Variants in MYRIP observed in about 807,000 individuals in gnomAD.
MYRIP encodes the protein rab effector MyRIP.
Under a neutral mutation model 98.0 loss-of-function variants are expected in MYRIP, and 49 were observed. That is an observed-to-expected ratio of 0.50 (90% CI 0.40 to 0.63). The LOEUF (loss-of-function observed/expected upper bound fraction) is 0.63, where lower values mean the gene tolerates loss of function less well. Among genes scored for constraint, MYRIP ranks in the 30% least tolerant of loss-of-function variants. The pLI, the probability that MYRIP is intolerant of heterozygous loss-of-function variation, is 0.00. For missense variants in MYRIP, 1,004 were observed against 1,058.2 expected (o/e 0.95, Z 0.71); for synonymous variants, 404 against 409.5 (o/e 0.99, Z 0.16).
intron 1 of MYRIP, among the ~76,000 whole-genome samples, chr3:39,827,174 A>G (rs1246499625): frequency 1.3e-5 from 2 of 152,120 alleles, no homozygotes; most frequent in African/African-American, 4.8e-5. Flanking sequence ...GTGCGGTGGC[A>G]TGACCATAGC....
chr3:39,913,153 T>C (rs1288033737), intron 2 of MYRIP, among the ~76,000 whole-genome samples: 3 of 151,774 alleles, frequency 2.0e-5, no homozygotes, highest in African/African-American at 7.3e-5. Context: ...ACATGGAGAG[T>C]CATGCCTCAG....
In MYRIP at chr3:40,251,834, T is replaced by C. The variant is rs763658900; in HGVS notation, c.2429-47T>C. ...ACCTTGTTTTTTCCTTAACAATCAA[T>C]CAGTCCATCTTCTGGGTAACATTTT... is the stretch of plus-strand genomic sequence containing the variant. On this transcript the variant is annotated intron_variant, in intron 15 of 16. Transcript: ENST00000302541. 9 of 1,308,210 alleles carry C rather than the reference T, an allele frequency of 6.9e-6. No individual in the cohort carries two copies. The African/African-American group carries it at 1.3e-4, about 19-fold the overall frequency. The allele number at this position is 1,308,210 out of a possible 1,614,324, so 81.0% of individuals were successfully genotyped here.
At chr3:40,153,938 G>A (rs763625995) in intron 4 of MYRIP, among the ~76,000 whole-genome samples, 1 of 151,976 alleles carries the variant, frequency 6.6e-6, no homozygotes, top group African/African-American at 2.4e-5. Context: ...TCAGGAGATC[G>A]AGAATATCCT....
chr3:40,077,402 G>A (rs867089262), intron 3 of MYRIP, among the ~76,000 whole-genome samples: 2 of 152,088 alleles, frequency 1.3e-5, no homozygotes, highest in African/African-American at 4.8e-5. Context: ...GTGCATTTAC[G>A]ATCCCTGAGC....
chr3:39,902,822 T>C (rs1943776328), intron 2 of MYRIP, among the ~76,000 whole-genome samples: 1 of 152,012 alleles, frequency 6.6e-6, no homozygotes, highest in South Asian at 2.1e-4. Context: ...AGGAGGAAAA[T>C]TTTAAAGAAA....
At chr3:39,856,203 G>T (rs531102534) in intron 1 of MYRIP, among the ~76,000 whole-genome samples, 1 of 152,316 alleles carries the variant, frequency 6.6e-6, no homozygotes, top group African/African-American at 2.4e-5. Context: ...GCAGTGGTGT[G>T]CCACTTCTTT....
chr3:40,082,196 A>G (rs1948493547), intron 3 of MYRIP, among the ~76,000 whole-genome samples: 1 of 152,188 alleles, frequency 6.6e-6, no homozygotes, highest in Non-Finnish European at 1.5e-5. Flanking sequence ...GAGGTTTCTC[A>G]AAAAAACTAA....
intron 3 of MYRIP, among the ~76,000 whole-genome samples, chr3:40,125,851 A>T (rs1309549694): frequency 6.6e-6 from 1 of 152,142 alleles, no homozygotes; most frequent in African/African-American, 2.4e-5. Context: ...GGCAGTTGTC[A>T]TGTATCAACT....
rs117266380 is a variant in MYRIP, at chr3:39,828,623, C to T, written c.-31+18707C>T. On this transcript the variant is annotated intron_variant, in intron 1 of 16. Transcript: ENST00000302541. ...ACCATATTTGTTGTCTTTTATCTCT[C>T]GCTCCCCTCCAACTCTTCCTCCCAA... is the stretch of plus-strand genomic sequence containing the variant. Among the ~76,000 whole-genome samples the T allele has an allele frequency of 2.9e-3, 437 of 152,242 alleles. 11 individuals carry two copies. In the South Asian group the frequency reaches 0.044, roughly 15 times the overall value.
intron 11 of MYRIP, among the ~76,000 whole-genome samples, chr3:40,217,946 T>C (rs1006666417): frequency 6.6e-6 from 1 of 152,032 alleles, no homozygotes; most frequent in East Asian, 1.9e-4. Flanking sequence ...TAAAATCAAC[T>C]GAAAAGATTA....
intron 1 of MYRIP, among the ~76,000 whole-genome samples, chr3:39,838,452 A>G (rs1486859918): frequency 1.3e-5 from 2 of 152,170 alleles, no homozygotes; most frequent in African/African-American, 4.8e-5. Context: ...CCTTTTCTGT[A>G]TCTATTGAGA....
At chr3:39,955,295 C>G (rs1224023601) in intron 2 of MYRIP, among the ~76,000 whole-genome samples, 1 of 152,116 alleles carries the variant, frequency 6.6e-6, no homozygotes. Context: ...AGGTTACCCA[C>G]AAAGGGAAGC....
chr3:39,881,653 C>T (rs929933408), intron 1 of MYRIP, among the ~76,000 whole-genome samples: 1 of 152,132 alleles, frequency 6.6e-6, no homozygotes, highest in African/African-American at 2.4e-5. Flanking sequence ...TCCAGAGCCT[C>T]TCTAGCCCAG....
intron 5 of MYRIP, among the ~76,000 whole-genome samples, chr3:40,165,619 G>A (rs1019681730): frequency 1.3e-5 from 2 of 152,062 alleles, no homozygotes; most frequent in Non-Finnish European, 2.9e-5. Flanking sequence ...CTAAGAGAAG[G>A]ATGATAGAAA....
chr3:39,920,955 G>C (rs984287872), intron 2 of MYRIP, among the ~76,000 whole-genome samples: 5 of 152,112 alleles, frequency 3.3e-5, no homozygotes, highest in African/African-American at 1.2e-4. Flanking sequence ...TTGTTGATGT[G>C]CTCAAAAGAT....
intron 4 of MYRIP, among the ~76,000 whole-genome samples, chr3:40,159,446 G>A (rs1283440432): frequency 6.6e-6 from 1 of 150,528 alleles, no homozygotes; most frequent in African/African-American, 2.5e-5. Flanking sequence ...TTCATTTCAA[G>A]TTTGGTGAAT....
At position 40,014,836 on chromosome 3, in the gene MYRIP, A is replaced by G. The variant is rs189700951; in HGVS notation, c.111-29214A>G. Among the ~76,000 whole-genome samples, 9 of 152,302 alleles carry G rather than the reference A, an allele frequency of 5.9e-5. No individual in the cohort carries two copies. The East Asian group carries it at 1.7e-3, about 29-fold the overall frequency. On this transcript the variant is annotated intron_variant, in intron 2 of 16. Coordinates refer to ENST00000302541, the MANE Select transcript of MYRIP (RefSeq NM_015460.4). ...AATTTAATTGGGAGCTTTTATTGAG[A>G]AACTAGAGGATTTGCAATGCTGGCC... is the stretch of plus-strand genomic sequence containing the variant.
chr3:40,016,620 C>T (rs962215333), intron 2 of MYRIP, among the ~76,000 whole-genome samples: 1 of 152,140 alleles, frequency 6.6e-6, no homozygotes, highest in Non-Finnish European at 1.5e-5. Flanking sequence ...CTGGCCCAGC[C>T]CTGTTTTTCT....
chr3:39,949,030 G>A (rs919379830), intron 2 of MYRIP, among the ~76,000 whole-genome samples: 3 of 152,128 alleles, frequency 2.0e-5, no homozygotes, highest in African/African-American at 7.2e-5. Flanking sequence ...TTTAGTGATG[G>A]ATTGGGTATG....
Sources: gnomAD v4.1 joint callset for allele counts (sites outside exome capture counted in the v4.1 genomes callset) on GRCh38, gnomAD v4.1.1 for gene constraint, MANE v1.5 for transcripts, NCBI Gene and HGNC (gene_info 2026-07-23, HGNC 2026-07-21) for gene names.